SNURF: variants seen among roughly 807,000 people sequenced by gnomAD.
SNURF encodes the protein SNRPN upstream open reading frame, also known as SNURF protein.
In SNURF, 6 loss-of-function variants were observed where a neutral mutation model predicts 11.6. The observed-to-expected ratio is 0.52, with a 90% CI of 0.28 to 1.02. SNURF has a LOEUF of 1.02. Among genes scored for constraint, SNURF ranks in the 50% least tolerant of loss-of-function variants. The probability of loss-of-function intolerance (pLI) is 0.09; values close to 1 mark genes in which losing one functional copy is unlikely to be tolerated. For missense variants in SNURF, 84 were observed against 88.4 expected, an observed-to-expected ratio of 0.95 and a Z score of 0.20; for synonymous variants, 29 against 31.6, an observed-to-expected ratio of 0.92 and a Z score of 0.27.
At chr15:24,959,649 A>G (rs1025517543) in intron 1 of SNURF, among the ~76,000 whole-genome samples, 5 of 152,138 alleles carry the variant, frequency 3.3e-5, no homozygotes, top group Non-Finnish European at 7.4e-5. Flanking sequence ...TAATTGTATT[A>G]TATTAAGGTA....
downstream of SNURF, among the ~76,000 whole-genome samples, chr15:24,970,228 C>T (rs1439905523): frequency 2.0e-5 from 3 of 152,098 alleles, no homozygotes; most frequent in Non-Finnish European, 2.9e-5. Flanking sequence ...TTAAACACTT[C>T]GTACCCGTTT....
intron 4 of SNURF, chr15:24,976,207 C>A: frequency 1.1e-6 from 1 of 896,644 alleles, no homozygotes; most frequent in Non-Finnish European, 1.8e-6. Context: ...AAATGTTTAG[C>A]ATCAGTTGTC....
At chr15:24,976,316 C>A (rs571239725) in exon 5 of SNURF, 2 of 1,613,240 alleles carry the variant, frequency 1.2e-6, no homozygotes, top group Non-Finnish European at 1.7e-6. Context: ...CCAAAGAATG[C>A]GAAGCAACCA....
intron 3 of SNURF, chr15:24,974,735 C>T (rs1438963542): frequency 1.6e-6 from 1 of 607,054 alleles, no homozygotes; most frequent in Non-Finnish European, 2.9e-6. Context: ...GCCTCAGCCT[C>T]TTTATTAGAA....
Position 24,955,603 on chromosome 15 carries a change from T to TG in SNURF, c.14+549dup, listed in dbSNP as rs372025670. 3.9e-3 allele frequency among the ~76,000 whole-genome samples: 340 copies of TG among 87,528 alleles called. 2 individuals are homozygous for TG. The highest frequency in any genetic ancestry group is 0.018 in the Middle Eastern group (3 of 168). 57.4% of individuals were successfully genotyped at this position (87,528 alleles called of 152,430 possible). ...GGTGGAGCAGGGTACGTGGGGCGAC[T>TG]GGGGGGGGAATTCGTCGCAGTGACC... is the stretch of plus-strand genomic sequence containing the variant. On this transcript the variant is annotated intron_variant, in intron 1 of 2. Transcript: ENST00000577949.
chr15:24,971,039 C>T (rs927197563), downstream of SNURF, among the ~76,000 whole-genome samples: 1 of 150,942 alleles, frequency 6.6e-6, no homozygotes, highest in African/African-American at 2.5e-5. Context: ...CTTGGCCAAC[C>T]CTAGTCATCT....
At chr15:24,971,690 A>G (rs2076427109), downstream of SNURF, among the ~76,000 whole-genome samples, 1 of 152,170 alleles carries the variant, frequency 6.6e-6, no homozygotes, top group Non-Finnish European at 1.5e-5. Context: ...GGTCATTGCC[A>G]AGGTCTGATT....
intron 1 of SNURF, among the ~76,000 whole-genome samples, chr15:24,957,827 T>G (rs552896000): frequency 5.3e-5 from 8 of 152,284 alleles, no homozygotes; most frequent in South Asian, 2.1e-4. Flanking sequence ...AAGCTGAGTA[T>G]TTAGTCTGAT....
chr15:24,974,709 T>C lies in SNURF; in HGVS notation c.*46-649T>C, dbSNP rs1326904214. 4.9e-6 allele frequency: 3 copies of C among 608,766 alleles called. No homozygotes were observed. The East Asian group carries it at 8.2e-5, about 17-fold the overall frequency. The allele number at this position is 608,766 out of a possible 1,614,324, so 37.7% of individuals were successfully genotyped here. A position where few individuals can be genotyped will look rare whatever the true frequency, so the allele number is the denominator to read the frequency against. ...GGTCTTGGCTCACTGCAACCCTGGG[T>C]TCAAGAGATTCTCGTGCCTCAGCCT... On this transcript the variant is annotated intron_variant and NMD_transcript_variant, in intron 3 of 6. Transcript: ENST00000580062.
At chr15:24,963,788 C>T (rs2075218118) in intron 2 of SNURF, among the ~76,000 whole-genome samples, 1 of 151,860 alleles carries the variant, frequency 6.6e-6, no homozygotes, top group Admixed American at 6.6e-5. Context: ...CCTCTAATCC[C>T]AGCATGTTGG....
At chr15:24,974,644 G>A (rs1168830833) in intron 3 of SNURF, 6 of 662,128 alleles carry the variant, frequency 9.1e-6, no homozygotes, top group Non-Finnish European at 1.4e-5. Flanking sequence ...TTTTTCAGAC[G>A]GGGTCTTGCT....
downstream of SNURF, among the ~76,000 whole-genome samples, chr15:24,971,502 T>C (rs188796394): frequency 1.4e-3 from 214 of 152,034 alleles, no homozygotes; most frequent in African/African-American, 4.9e-3. Context: ...GTAAAACATA[T>C]ATCTCTTCTA....
exon 3 of SNURF, chr15:24,968,296 C>A: frequency 2.7e-6 from 1 of 370,590 alleles, no homozygotes; most frequent in Non-Finnish European, 4.9e-6. Context: ...GTAGCGCATG[C>A]TTTTCAGGTA....
chr15:24,972,343 ATAT>A (rs1034687791), downstream of SNURF, among the ~76,000 whole-genome samples: 4 of 152,124 alleles, frequency 2.6e-5, no homozygotes, highest in Non-Finnish European at 5.9e-5. Flanking sequence ...TCATAAGATA[ATAT>A]TCAAAACTTC....
At chr15:24,965,874 T>C (rs995252017) in intron 2 of SNURF, among the ~76,000 whole-genome samples, 1 of 152,194 alleles carries the variant, frequency 6.6e-6, no homozygotes, top group Non-Finnish European at 1.5e-5. Flanking sequence ...TATATATATT[T>C]TTTTTTACTG....
downstream of SNURF, among the ~76,000 whole-genome samples, chr15:24,972,837 C>T (rs370894468): frequency 2.8e-4 from 43 of 152,220 alleles, no homozygotes; most frequent in East Asian, 5.8e-3. Context: ...TATGTCAGAG[C>T]AGTCCCTTAA....
chr15:24,965,145 G>A (rs2075423783), intron 2 of SNURF, among the ~76,000 whole-genome samples: 2 of 152,254 alleles, frequency 1.3e-5, no homozygotes, highest in East Asian at 3.9e-4. Context: ...TACTAGAAGT[G>A]TTCAATATTT....
At chr15:24,964,216 T>C (rs1026280384) in intron 2 of SNURF, among the ~76,000 whole-genome samples, 9 of 152,216 alleles carry the variant, frequency 5.9e-5, no homozygotes, top group African/African-American at 2.2e-4. Context: ...TGTTTGTATA[T>C]TGGTAAATAT....
At chr15:24,956,244 T>C (rs989124248) in intron 1 of SNURF, among the ~76,000 whole-genome samples, 5 of 151,922 alleles carry the variant, frequency 3.3e-5, no homozygotes, top group African/African-American at 1.2e-4. Context: ...AACCAGGTCT[T>C]GGAAGGCTAT....
Sources: allele counts gnomAD v4.1 joint callset (sites outside exome capture counted in the v4.1 genomes callset), GRCh38; gene constraint gnomAD v4.1.1; transcripts MANE v1.5; gene names NCBI Gene and HGNC (gene_info 2026-07-23, HGNC 2026-07-21).